NOTCH2NLR: variants seen among roughly 807,000 people sequenced by gnomAD.
NOTCH2NLR encodes the protein notch 2 N-terminal like R (pseudogene).
Under a neutral mutation model 35.6 loss-of-function variants are expected in NOTCH2NLR, and 33 were observed. The observed-to-expected ratio is 0.93, with a 90% CI of 0.70 to 1.24. The LOEUF (loss-of-function observed/expected upper bound fraction) is 1.24, where lower values mean the gene tolerates loss of function less well. Ranked by LOEUF, NOTCH2NLR falls within the 50% of genes most tolerant of loss-of-function variation. The probability of loss-of-function intolerance (pLI) is 0.00; values close to 1 mark genes in which losing one functional copy is unlikely to be tolerated. For synonymous variants in NOTCH2NLR, 103 were observed against 141.0 expected, an observed-to-expected ratio of 0.73 and a Z score of 1.91; for missense variants, 276 against 362.2, an observed-to-expected ratio of 0.76 and a Z score of 1.93.
rs2101457058 is a variant in NOTCH2NLR, at chr1:120,786,347, C to T, written c.415+1114C>T. Among the ~76,000 whole-genome samples the T allele has an allele frequency of 1.9e-5, 2 of 103,522 alleles. 1 individual carries two copies. Among genetic ancestry groups the T allele is most frequent in the South Asian group, 5.6e-4 (2 of 3,548 alleles). The allele number at this position is 103,522 out of a possible 152,430, so 67.9% of individuals were successfully genotyped here. ...GTTGCCTTTCACCTGTCTATTCCTC[C>T]CATTTCCTCTGCTACCCTGTAGTTG... On this transcript the variant is annotated intron_variant, in intron 3 of 4. Transcript: ENST00000624419.
In NOTCH2NLR at chr1:120,779,400, A is replaced by C. The variant is rs1325173114; in HGVS notation, c.156-5574A>C. On this transcript the variant is annotated intron_variant, in intron 2 of 4. Coordinates refer to ENST00000624419, the Ensembl canonical transcript of NOTCH2NLR. ...TTAGTTTATGGAGTTTAAAATGGAAAAATGCTCCCCAAACCTTTCTCTGTA... is the reference window on the plus strand; with the variant it reads ...TTAGTTTATGGAGTTTAAAATGGAACAATGCTCCCCAAACCTTTCTCTGTA... 4.7e-5 allele frequency among the ~76,000 whole-genome samples: 5 copies of C among 105,714 alleles called. 1 individual carries two copies. The highest frequency in any genetic ancestry group is 2.5e-4 in the African/African-American group (5 of 20,184). 69.4% of individuals were successfully genotyped at this position (105,714 alleles called of 152,430 possible).
intron 1 of NOTCH2NLR, among the ~76,000 whole-genome samples, chr1:120,760,180 CTTTTTTTTTTT>C (rs1161423259): frequency 6.6e-5 from 1 of 15,172 alleles, no homozygotes; most frequent in African/African-American, 7.3e-4. Flanking sequence ...TCTACCACAG[CTTTTTTTTTTT>C]TTTTTTTTTT....
chr1:120,777,824 C>A (rs1651315632), intron 2 of NOTCH2NLR, among the ~76,000 whole-genome samples: 1 of 110,670 alleles, frequency 9.0e-6, no homozygotes, highest in South Asian at 2.7e-4. Context: ...TAGTTAGTTA[C>A]CTTTACACAG....
chr1:120,759,537 A>G lies in NOTCH2NLR; in HGVS notation c.74-4091A>G, dbSNP rs1362750798. On this transcript the variant is annotated intron_variant, in intron 1 of 4. Transcript: ENST00000624419. ...TTTTATTGTTAAATTTAAGTGTTTT[A>G]CATTGGAAAAAAGTAAATTGAATTT... Among the ~76,000 whole-genome samples the G allele has an allele frequency of 1.9e-4, 17 of 87,670 alleles. 3 individuals carry two copies. The highest frequency in any genetic ancestry group is 2.4e-4 in the Non-Finnish European group (12 of 49,836). 57.5% of individuals were successfully genotyped at this position (87,670 alleles called of 152,430 possible).
rs1446310937 is a variant in NOTCH2NLR, at chr1:120,727,988, C to T, written c.73+3738C>T. Among the ~76,000 whole-genome samples, 2 of 119,484 alleles carry T rather than the reference C, an allele frequency of 1.7e-5. 1 individual carries two copies. Among genetic ancestry groups the T allele is most frequent in the Non-Finnish European group, 3.3e-5 (2 of 61,260 alleles). 78.4% of individuals were successfully genotyped at this position (119,484 alleles called of 152,430 possible). On this transcript the variant is annotated intron_variant, in intron 1 of 4. Transcript: ENST00000624419. ...GTAGGAGAGCCACTGTTTCGGTCCT[C>T]CATTTTCTGATGTTCATTGTTCATG... is the stretch of plus-strand genomic sequence containing the variant.
In NOTCH2NLR at chr1:120,763,649, A is replaced by G. The variant is rs2101409096; in HGVS notation, c.95A>G (p.Tyr32Cys). Reference sequence around the variant, plus strand: ...TTAGCATTGCAGTGTCGAGATGGCTATGAACCCTGTGTAAATAAAGGAATG... The same window carrying G: ...TTAGCATTGCAGTGTCGAGATGGCTGTGAACCCTGTGTAAATAAAGGAATG... The change falls in exon 2 of 5, where the codon TAT (tyrosine) becomes TGT (cysteine). Residue 32 changes from tyrosine (Y) to cysteine (C), a missense_variant. By Grantham distance (194) the Tyr-to-Cys change is radical (BLOSUM62 -2). Coordinates refer to ENST00000624419, the Ensembl canonical transcript of NOTCH2NLR. The G allele has an allele frequency of 4.1e-5, 57 of 1,406,740 alleles. 10 individuals carry two copies. The South Asian group carries it at 6.4e-4, about 16-fold the overall frequency. The allele number at this position is 1,406,740 out of a possible 1,614,324, so 87.1% of individuals were successfully genotyped here.
intron 1 of NOTCH2NLR, among the ~76,000 whole-genome samples, chr1:120,742,312 CGTGT>C (rs1209103933): frequency 1.4e-4 from 4 of 27,848 alleles, no homozygotes; most frequent in African/African-American, 5.5e-4. Flanking sequence ...TGTGTGTGTG[CGTGT>C]GTGTGTGTGT....
chr1:120,728,818 T>G (rs1170083360), intron 1 of NOTCH2NLR, among the ~76,000 whole-genome samples: 1 of 115,016 alleles, frequency 8.7e-6, no homozygotes, highest in Non-Finnish European at 1.7e-5. Context: ...TTTGCTTTTT[T>G]TTTTTTTGAA....
chr1:120,759,690 T>C (rs1445592895), intron 1 of NOTCH2NLR, among the ~76,000 whole-genome samples: 1 of 110,698 alleles, frequency 9.0e-6, no homozygotes, highest in East Asian at 2.2e-4. Flanking sequence ...CTCAAGATTA[T>C]TTTTCTTTTT....
At chr1:120,752,552 A>ATTTTTTTT (rs1386751525) in intron 1 of NOTCH2NLR, among the ~76,000 whole-genome samples, 298 of 8,934 alleles carry the variant, frequency 0.033, no homozygotes, top group Non-Finnish European at 0.043. Flanking sequence ...ATATATATAT[A>ATTTTTTTT]TATTTTTTTT....
At chr1:120,789,332 A>AT (rs1651457899) in intron 3 of NOTCH2NLR, among the ~76,000 whole-genome samples, 1 of 50,020 alleles carries the variant, frequency 2.0e-5, no homozygotes. Flanking sequence ...AATTTACTGT[A>AT]TTAGTCCATT....
intron 3 of NOTCH2NLR, among the ~76,000 whole-genome samples, chr1:120,789,987 G>A (rs1651465568): frequency 1.3e-5 from 1 of 77,612 alleles, no homozygotes; most frequent in Admixed American, 1.2e-4. Flanking sequence ...TCTTCTTGGT[G>A]TGTTCTGCAA....
At chr1:120,793,653 C>T in intron 4 of NOTCH2NLR, 94 bp from the exon 5 acceptor site, 1 of 609,566 alleles carries the variant, frequency 1.6e-6, no homozygotes, top group Non-Finnish European at 2.9e-6. Context: ...TTTTATGGGC[C>T]CACTGTGGTC....
At position 120,788,089 on chromosome 1, in the gene NOTCH2NLR, G is replaced by A. The variant is rs1264439630; in HGVS notation, c.415+2856G>A. On this transcript the variant is annotated intron_variant, in intron 3 of 4. Coordinates refer to ENST00000624419, the Ensembl canonical transcript of NOTCH2NLR. The stretch of plus-strand genomic sequence containing the variant: ...TCCAGGCGGGACCATTTGTAGTCCC[G>A]CCTGGATTGGGCTGTTGTAGTTGCC... 4.9e-5 allele frequency among the ~76,000 whole-genome samples: 3 copies of A among 60,866 alleles called. 1 individual carries two copies. Among genetic ancestry groups the A allele is most frequent in the African/African-American group, 1.7e-4 (1 of 6,038 alleles). The allele number at this position is 60,866 out of a possible 152,430, so 39.9% of individuals were successfully genotyped here. A position where few individuals can be genotyped will look rare whatever the true frequency, so the allele number is the denominator to read the frequency against.
chr1:120,776,363 G>A (rs1232478835), intron 2 of NOTCH2NLR, among the ~76,000 whole-genome samples: 1 of 75,296 alleles, frequency 1.3e-5, no homozygotes, highest in Non-Finnish European at 2.3e-5. Flanking sequence ...ACTGAACAGC[G>A]TGTACAGAGG....
At chr1:120,762,560 C>A (rs1178141150) in intron 1 of NOTCH2NLR, among the ~76,000 whole-genome samples, 1 of 106,264 alleles carries the variant, frequency 9.4e-6, no homozygotes, top group African/African-American at 5.2e-5. Context: ...GGTATTTATA[C>A]ATTAACTATC....
rs1323082364 is a variant in NOTCH2NLR, at chr1:120,760,240, T to A, written c.74-3388T>A. ...TCTCTCTCTGTCACTCAGGCTGGAG[T>A]ACAGTGGAGCAATCTCGGCTCACTG... On this transcript the variant is annotated intron_variant, in intron 1 of 4. Coordinates refer to ENST00000624419, the Ensembl canonical transcript of NOTCH2NLR. Among the ~76,000 whole-genome samples the A allele has an allele frequency of 1.9e-4, 14 of 73,128 alleles. 1 individual carries two copies. Among genetic ancestry groups the A allele is most frequent in the Non-Finnish European group, 2.3e-5 (1 of 43,738 alleles). The allele number at this position is 73,128 out of a possible 152,430, so 48.0% of individuals were successfully genotyped here. A position where few individuals can be genotyped will look rare whatever the true frequency, so the allele number is the denominator to read the frequency against.
rs1185108229 is a variant in NOTCH2NLR at position 120,728,958 on chromosome 1, T to TG, written c.73+4709dup. Among the ~76,000 whole-genome samples, 4 of 114,882 alleles carry TG rather than the reference T, an allele frequency of 3.5e-5. 1 individual carries two copies. In the South Asian group the frequency reaches 9.9e-4, roughly 28 times the overall value. The allele number at this position is 114,882 out of a possible 152,430, so 75.4% of individuals were successfully genotyped here. The stretch of plus-strand genomic sequence containing the variant: ...TTTTGATCCTTGAGGGCCAGGTCTG[T>TG]GCTACACACATTTCTTCTCTGTACT... On this transcript the variant is annotated intron_variant, in intron 1 of 4. Coordinates refer to ENST00000624419, the Ensembl canonical transcript of NOTCH2NLR.
At chr1:120,726,722 A>AT in intron 1 of NOTCH2NLR, among the ~76,000 whole-genome samples, 1 of 104,428 alleles carries the variant, frequency 9.6e-6, no homozygotes, top group Non-Finnish European at 1.8e-5. Flanking sequence ...ACCTAAAACT[A>AT]TTTTTCCTTT....
Sources: gnomAD v4.1 joint callset for allele counts (sites outside exome capture counted in the v4.1 genomes callset) on GRCh38, gnomAD v4.1.1 for gene constraint, MANE v1.5 for transcripts, NCBI Gene and HGNC (gene_info 2026-07-23, HGNC 2026-07-21) for gene names.